ANKRD11: variants seen among roughly 807,000 people sequenced by gnomAD.
ANKRD11 encodes ankyrin repeat domain 11.
Under a neutral mutation model 195.7 loss-of-function variants are expected in ANKRD11, and 17 were observed. The ratio of observed to expected loss-of-function variants is 0.09; its 90% CI spans 0.06 to 0.13. The LOEUF is 0.13. Among genes scored for constraint, ANKRD11 ranks in the 10% least tolerant of loss-of-function variants. The pLI is 1.00. For missense variants in ANKRD11, 3,735 were observed against 3,566.1 expected, an observed-to-expected ratio of 1.05 and a Z score of -1.21; for synonymous variants, 1,953 against 1,528.1, an observed-to-expected ratio of 1.28 and a Z score of -6.49.
chr16:89,332,131 A>T lies in ANKRD11; in HGVS notation c.-59-15053T>A, dbSNP rs144957529. 1.7e-4 allele frequency among the ~76,000 whole-genome samples: 26 copies of T among 152,328 alleles called. No homozygotes were observed. The East Asian group carries it at 4.8e-3, about 28-fold the overall frequency. ...GGCAAGATTCCATCTCCATATTAAA[A>T]AAAAAAGATAATAATCTTAAAAGAC... is the stretch of plus-strand genomic sequence containing the variant. On this transcript the variant is annotated intron_variant, in intron 2 of 12. Coordinates refer to ENST00000301030, the MANE Select transcript of ANKRD11 (RefSeq NM_013275.6).
In ANKRD11 at chr16:89,280,710, G is replaced by A. The variant is rs746088479; in HGVS notation, c.5832C>T (p.Thr1944=). 15 of 1,613,380 alleles carry A rather than the reference G, an allele frequency of 9.3e-6. No individual in the cohort carries two copies. In the Admixed American group the frequency reaches 1.5e-4, roughly 16 times the overall value. ...LDEGPFSAVI[T]EEPVEWAHPS... ...GGTGGGCCCACTCAACGGGCTCCTC[G>A]GTGATGACGGCGCTGAAGGGACCCT... The change falls in exon 9 of 13, where the codon ACC becomes ACT. Residue 1944 remains threonine, a synonymous_variant. Transcript: ENST00000301030.
At chr16:89,384,879 C>CTTTCTTTTTTTTTTTTT (rs2040832957) in intron 2 of ANKRD11, among the ~76,000 whole-genome samples, 1 of 49,910 alleles carries the variant, frequency 2.0e-5, no homozygotes, top group African/African-American at 7.9e-5. Context: ...AAATAGTTTT[C>CTTTCTTTTTTTTTTTTT]TTTTTTTTTT....
In ANKRD11 at chr16:89,313,264, C is replaced by T. The variant is rs942877840; in HGVS notation, c.87+3669G>A. 286 of 1,266,610 alleles carry T rather than the reference C, an allele frequency of 2.3e-4. 1 individual carries two copies. The highest frequency in any genetic ancestry group is 1.4e-3 in the East Asian group (25 of 17,746). 78.5% of individuals were successfully genotyped at this position (1,266,610 alleles called of 1,614,324 possible). Reference sequence around the variant, plus strand: ...GGGTGACTGTGCCATGGGGTGGGGACGACAGGGGACCCATGGGGTGGGGAC... The same window carrying T: ...GGGTGACTGTGCCATGGGGTGGGGATGACAGGGGACCCATGGGGTGGGGAC... On this transcript the variant is annotated intron_variant, in intron 3 of 12. Transcript: ENST00000301030.
chr16:89,467,593 T>C (rs1220368716), intron 1 of ANKRD11, among the ~76,000 whole-genome samples: 1 of 152,124 alleles, frequency 6.6e-6, no homozygotes, highest in Non-Finnish European at 1.5e-5. Context: ...CTTGAGCTCC[T>C]GGTCTCAAGT....
chr16:89,383,823 C>T (rs1567727994), intron 2 of ANKRD11, among the ~76,000 whole-genome samples: 1 of 152,200 alleles, frequency 6.6e-6, no homozygotes, highest in South Asian at 2.1e-4. Flanking sequence ...GGCAAAGGTG[C>T]AGACTCCTCC....
intron 2 of ANKRD11, among the ~76,000 whole-genome samples, chr16:89,402,695 T>G (rs1597295349): frequency 1.3e-5 from 1 of 76,652 alleles, no homozygotes; most frequent in Non-Finnish European, 2.6e-5. Context: ...GGAGGTGAGG[T>G]GGCTCTGCGA....
In ANKRD11 at chr16:89,288,598, G is replaced by A. The variant is rs746852311; in HGVS notation, c.674C>T (p.Ala225Val). The change falls in exon 7 of 13, where the codon GCG (alanine) becomes GTG (valine). Residue 225 changes from alanine (A) to valine (V), a missense_variant. Coordinates refer to ENST00000301030, the MANE Select transcript of ANKRD11 (RefSeq NM_013275.6). ...ATCTAGGCCCTTGGTGTTCACCTCCGCACCTGCAGCCAGCAGCTGCTTCGC... is the reference window on the plus strand; with the variant it reads ...ATCTAGGCCCTTGGTGTTCACCTCCACACCTGCAGCCAGCAGCTGCTTCGC... ...DVAKQLLAAG[A>V]EVNTKGLDDD... 4 of 1,613,978 alleles carry A rather than the reference G, an allele frequency of 2.5e-6. No individual in the cohort carries two copies. The highest frequency in any genetic ancestry group is 3.4e-6 in the Non-Finnish European group (4 of 1,180,038).
chr16:89,387,831 C>T (rs981074680), intron 2 of ANKRD11, among the ~76,000 whole-genome samples: 6 of 151,148 alleles, frequency 4.0e-5, no homozygotes, highest in African/African-American at 9.7e-5. Flanking sequence ...GGTGAAACCC[C>T]GTCTCTACTA....
At chr16:89,385,192 T>TTTTG (rs1233749094) in intron 2 of ANKRD11, among the ~76,000 whole-genome samples, 6 of 150,142 alleles carry the variant, frequency 4.0e-5, no homozygotes, top group South Asian at 2.1e-4. Context: ...AATGGTGTTT[T>TTTTG]TTTGTTTGTT....
chr16:89,489,546 C>T (rs1274496410), intron 1 of ANKRD11, among the ~76,000 whole-genome samples: 1 of 151,540 alleles, frequency 6.6e-6, no homozygotes, highest in African/African-American at 2.4e-5. Context: ...AGCCCGAGAG[C>T]CGCCTGCTCT....
chr16:89,471,096 T>C (rs988561691), intron 1 of ANKRD11, among the ~76,000 whole-genome samples: 1 of 152,154 alleles, frequency 6.6e-6, no homozygotes, highest in Non-Finnish European at 1.5e-5. Flanking sequence ...CTCACTCCTG[T>C]AATCCCAGCA....
At chr16:89,405,191 C>T (rs1040420151) in intron 2 of ANKRD11, among the ~76,000 whole-genome samples, 1 of 152,072 alleles carries the variant, frequency 6.6e-6, no homozygotes, top group African/African-American at 2.4e-5. Flanking sequence ...AAGACTCCAT[C>T]TCAAAAAAAT....
intron 2 of ANKRD11, among the ~76,000 whole-genome samples, chr16:89,345,037 G>A (rs1010043799): frequency 2.6e-5 from 4 of 152,124 alleles, no homozygotes; most frequent in Admixed American, 6.5e-5. Flanking sequence ...AAGGCCAAGC[G>A]GTGCTCCAGG....
At chr16:89,292,522 T>C (rs766384463) in intron 4 of ANKRD11, among the ~76,000 whole-genome samples, 1 of 152,240 alleles carries the variant, frequency 6.6e-6, no homozygotes, top group Non-Finnish European at 1.5e-5. Flanking sequence ...GAATTCGGTC[T>C]GGGGCATGCT....
At chr16:89,320,919 G>C (rs1473635413) in intron 2 of ANKRD11, among the ~76,000 whole-genome samples, 3 of 152,240 alleles carry the variant, frequency 2.0e-5, no homozygotes, top group Non-Finnish European at 4.4e-5. Context: ...CTACGGGGCT[G>C]GCAGGACAGA....
chr16:89,295,331 G>A (rs1270467687), intron 4 of ANKRD11, among the ~76,000 whole-genome samples: 1 of 152,248 alleles, frequency 6.6e-6, no homozygotes, highest in East Asian at 1.9e-4. Flanking sequence ...CATGTTGGCG[G>A]TGGCACCTGT....
intron 2 of ANKRD11, chr16:89,339,819 C>T (rs1166736603): frequency 2.0e-5 from 3 of 152,180 alleles, no homozygotes; most frequent in African/African-American, 7.2e-5. Flanking sequence ...TGCTCCTCAG[C>T]GTCGATCTGA....
intron 2 of ANKRD11, chr16:89,324,365 G>A (rs1048171322): frequency 8.6e-6 from 8 of 934,388 alleles, no homozygotes; most frequent in Non-Finnish European, 1.2e-5. Flanking sequence ...AAAAAGCCAG[G>A]AGGGCGGCAC....
At chr16:89,272,436 T>G in intron 11 of ANKRD11, 1 of 152,304 alleles carries the variant, frequency 6.6e-6, no homozygotes, top group Non-Finnish European at 1.5e-5. Context: ...GCACGGTGGC[T>G]CACGCCTGTA....
Sources: allele counts gnomAD v4.1 joint callset (sites outside exome capture counted in the v4.1 genomes callset), GRCh38; gene constraint gnomAD v4.1.1; transcripts MANE v1.5; gene names NCBI Gene and HGNC (gene_info 2026-07-23, HGNC 2026-07-21).